The following ODAD1 variants were observed in gnomAD, a reference collection of about 807,000 sequenced individuals.
ODAD1 encodes outer dynein arm docking complex subunit 1, also known as outer dynein arm-docking complex subunit 1.
A neutral mutation model predicts 67.2 loss-of-function variants in ODAD1; 49 were observed. The ratio of observed to expected loss-of-function variants is 0.73; its 90% CI spans 0.58 to 0.92. The LOEUF is 0.92. Ranked by LOEUF, ODAD1 falls within the 40% of genes least tolerant of loss-of-function variation. ODAD1 has a pLI of 0.00. For synonymous variants in ODAD1, 345 were observed against 393.7 expected, an observed-to-expected ratio of 0.88 and a Z score of 1.46; for missense variants, 897 against 953.7, an observed-to-expected ratio of 0.94 and a Z score of 0.78.
At chr19:48,300,949 A>AC (rs1442602033) in intron 12 of ODAD1, 1 of 152,270 alleles carries the variant, frequency 6.6e-6, no homozygotes, top group Admixed American at 6.5e-5. Flanking sequence ...ACGTGATGAA[A>AC]CCCCGACTCT....
intron 12 of ODAD1, among the ~76,000 whole-genome samples, chr19:48,299,459 A>T (rs957234263): frequency 6.6e-6 from 1 of 152,134 alleles, no homozygotes; most frequent in African/African-American, 2.4e-5. Context: ...AAGAGAAAAG[A>T]AACAGGACAG....
chr19:48,304,118 C>A lies in ODAD1; in HGVS notation c.688G>T (p.Gly230Cys), dbSNP rs1968545105. The A allele has an allele frequency of 6.2e-7, 1 of 1,610,234 alleles. No individual in the cohort carries two copies. The highest frequency in any genetic ancestry group is 1.3e-5 in the African/African-American group (1 of 75,022). ...TTCTCCGCGCGCTCCCGCAGCAAGCCCATCTTGGCCTTCGCCTCCTCCCTG... is the reference window on the plus strand; with the variant it reads ...TTCTCCGCGCGCTCCCGCAGCAAGCACATCTTGGCCTTCGCCTCCTCCCTG... ...AVREEAKAKM[G>C]LLRERAEKEE... Residue 230 changes from glycine to cysteine, a missense_variant, in exon 9 of 16, where the codon GGC becomes TGC. Gly to Cys is a radical substitution (Grantham distance 159). Transcript: ENST00000674294.
intron 5 of ODAD1, among the ~76,000 whole-genome samples, chr19:48,316,320 C>T (rs62129856): frequency 0.15 from 23,099 of 151,406 alleles, 1,961 homozygotes; most frequent in Non-Finnish European, 0.17. Context: ...ACAGAGGTTG[C>T]AGTGAGTTGA....
chr19:48,316,021 G>A (rs2147333380), intron 5 of ODAD1, among the ~76,000 whole-genome samples: 1 of 152,208 alleles, frequency 6.6e-6, no homozygotes, highest in African/African-American at 2.4e-5. Context: ...CTTTCCTCTT[G>A]GCTAAACATC....
At position 48,297,372 on chromosome 19, in the gene ODAD1, A is replaced by T. The variant is rs1968322188; in HGVS notation, c.1728T>A (p.His576Gln). 1 of 1,609,036 alleles carries T rather than the reference A, an allele frequency of 6.2e-7. No individual in the cohort carries two copies. The change falls in exon 16 of 16, where the codon CAT (histidine) becomes CAA (glutamine). Residue 576 changes from histidine (H) to glutamine (Q), a missense_variant. By Grantham distance (24) the His-to-Gln change is conservative. Transcript: ENST00000674294. ...GGCTCAAAATGGACCCGGGGATGGC[A>T]TGGGGGTGCCTGGTGGGCACCAGGA... is the stretch of plus-strand genomic sequence containing the variant. Reference protein sequence around the residue: ...STVLVPTRHPHAIPGSILSHK... With the variant: ...STVLVPTRHPQAIPGSILSHK...
intron 5 of ODAD1, among the ~76,000 whole-genome samples, chr19:48,313,448 C>CAAA (rs1291428185): frequency 0.023 from 2,020 of 86,610 alleles, 126 homozygotes; most frequent in Non-Finnish European, 0.032. Flanking sequence ...AAAAAAAAAC[C>CAAA]AAAAAAAAAC....
Position 48,311,543 on chromosome 19 carries a change from G to C in ODAD1, c.597+10C>G. 1 of 1,508,052 alleles carries C rather than the reference G, an allele frequency of 6.6e-7. No homozygotes were observed. Among genetic ancestry groups the C allele is most frequent in the Non-Finnish European group, 9.0e-7 (1 of 1,107,762 alleles). The allele number at this position is 1,508,052 out of a possible 1,614,324, so 93.4% of individuals were successfully genotyped here. ...CCCTGTCTCCTCCCCTGGATTTCAG[G>C]GCCACTGACCTTCTTCAGCTTGCGG... On this transcript the variant is annotated intron_variant, in intron 7 of 15. Coordinates refer to ENST00000674294, the MANE Select transcript of ODAD1 (RefSeq NM_001364171.2).
Position 48,302,867 on chromosome 19 carries a change from G to A in ODAD1, c.1072-5C>T, listed in dbSNP as rs1159001125. On this transcript the variant is annotated splice_region_variant and splice_polypyrimidine_tract_variant and intron_variant, in intron 11 of 15. Transcript: ENST00000674294. ...GCTCACCAAAGCCTCCTGCATCTGT[G>A]GGGACAGGGCTGAATGCTGGGCCAG... The A allele has an allele frequency of 6.2e-7, 1 of 1,613,904 alleles. No individual in the cohort carries two copies. The highest frequency in any genetic ancestry group is 8.5e-7 in the Non-Finnish European group (1 of 1,179,920).
In ODAD1 at chr19:48,297,895, C is replaced by T. The variant is rs1037545215; in HGVS notation, c.1502+105G>A. The T allele has an allele frequency of 3.1e-5, 30 of 953,304 alleles. No individual in the cohort carries two copies. In the East Asian group the frequency reaches 5.2e-4, roughly 16 times the overall value. The allele number at this position is 953,304 out of a possible 1,614,324, so 59.1% of individuals were successfully genotyped here. On this transcript the variant is annotated intron_variant, in intron 14 of 15. Transcript: ENST00000674294. ...TATTCTAACCCCCCAGGGCCACATC[C>T]GCCAGCCAGTCCCCAAAAGCCCCCC... is the stretch of plus-strand genomic sequence containing the variant.
intron 12 of ODAD1, 133 bp downstream of exon 12, chr19:48,302,561 G>GT (rs1250162601): frequency 1.2e-5 from 8 of 673,504 alleles, no homozygotes; most frequent in African/African-American, 1.8e-5. Context: ...TGGTTGGAAA[G>GT]ATGGACAGAT....
rs1469941166 is a variant in ODAD1, at chr19:48,311,643, C to G, written c.507G>C (p.Gln169His). 5.8e-6 allele frequency: 9 copies of G among 1,550,860 alleles called. No homozygotes were observed. The highest frequency in any genetic ancestry group is 1.7e-4 in the Middle Eastern group (1 of 5,988). ...CCCGCAGGGCCGCATTCCGTACCAG[C>G]TGGTTGTCAAAGTGACAGGTGACCT... ...LDRVTCHFDNQLVRNAALREE... is the reference protein window; with the variant it reads ...LDRVTCHFDNHLVRNAALREE... The change falls in exon 7 of 16, where the codon CAG (glutamine) becomes CAC (histidine). Residue 169 changes from glutamine to histidine, a missense_variant. Coordinates refer to ENST00000674294, the MANE Select transcript of ODAD1 (RefSeq NM_001364171.2).
chr19:48,297,638 A>G lies in ODAD1; in HGVS notation c.1533T>C (p.Asp511=), dbSNP rs1308068924. The change falls in exon 15 of 16, where the codon GAT becomes GAC. Residue 511 remains aspartate (D), a synonymous_variant. Coordinates refer to ENST00000674294, the MANE Select transcript of ODAD1 (RefSeq NM_001364171.2). ...GCTCCTCCCTGCTCATGGGGTAGTC[A>G]TCGCTGGCCTCAAAACCCGGGGGGT... ...LEDPPGFEAS[D]DYPMSREELL... 3.9e-6 allele frequency: 6 copies of G among 1,521,754 alleles called. No homozygotes were observed. In the East Asian group the frequency reaches 9.1e-5, roughly 23 times the overall value. 94.3% of individuals were successfully genotyped at this position (1,521,754 alleles called of 1,614,324 possible).
intron 6 of ODAD1, 75 bp downstream of exon 6, chr19:48,311,919 A>G: frequency 7.1e-7 from 1 of 1,403,998 alleles, no homozygotes; most frequent in Non-Finnish European, 9.7e-7. Flanking sequence ...CAGCATTTCC[A>G]GAATCCAATG....
chr19:48,311,216 AAAG>A (rs1174332647), intron 7 of ODAD1, among the ~76,000 whole-genome samples: 3 of 152,122 alleles, frequency 2.0e-5, no homozygotes, highest in African/African-American at 7.2e-5. Flanking sequence ...ATCTCAAAAC[AAAG>A]AAAGAAAGAA....
intron 6 of ODAD1, 86 bp downstream of exon 6, chr19:48,311,908 C>A: frequency 7.8e-7 from 1 of 1,285,566 alleles, no homozygotes. Context: ...CACACACTGC[C>A]CAGCATTTCC....
rs745962113 is a variant in ODAD1 at position 48,303,780 on chromosome 19, C to G, written c.858G>C (p.Gly286=). The G allele has an allele frequency of 1.4e-5, 22 of 1,607,730 alleles. 2 individuals carry two copies. The South Asian group carries it at 2.1e-4, about 15-fold the overall frequency. Residue 286 remains glycine (G), a synonymous_variant, in exon 10 of 16, where the codon GGG becomes GGC. Transcript: ENST00000674294. ...TCTTCCAGACGCCCTCGGCCACCTC[C>G]CCGGCTAGGGGAAGAGAGAACAGCA... ...DVLEKREKQA[G]EVAEGVWKTS...
Position 48,318,711 on chromosome 19 carries a change from A to T in ODAD1, c.170+2T>A. The T allele has an allele frequency of 6.5e-7, 1 of 1,548,820 alleles. No homozygotes were observed. Among genetic ancestry groups the T allele is most frequent in the Non-Finnish European group, 8.7e-7 (1 of 1,144,562 alleles). On this transcript the variant is annotated splice_donor_variant, in intron 4 of 15. Transcript: ENST00000674294. LOFTEE classifies it high-confidence loss of function. The stretch of plus-strand genomic sequence containing the variant: ...AGCTCAGGGCCCAGGCGCCCAGCTC[A>T]CAGTTGCTTGTTGATGCGCTGGTGG...
intron 12 of ODAD1, among the ~76,000 whole-genome samples, chr19:48,298,710 T>C (rs1480645535): frequency 6.6e-6 from 1 of 152,164 alleles, no homozygotes; most frequent in Non-Finnish European, 1.5e-5. Flanking sequence ...GGGCCCCTCA[T>C]TCTGCACTGG....
chr19:48,315,366 G>T (rs995959550), intron 5 of ODAD1, among the ~76,000 whole-genome samples: 1 of 152,132 alleles, frequency 6.6e-6, no homozygotes, highest in Non-Finnish European at 1.5e-5. Context: ...CCAACATGGC[G>T]AAACCCCGTC....
Sources: allele counts gnomAD v4.1 joint callset (sites outside exome capture counted in the v4.1 genomes callset), GRCh38; gene constraint gnomAD v4.1.1; transcripts MANE v1.5; gene names NCBI Gene and HGNC (gene_info 2026-07-23, HGNC 2026-07-21).